ACAT1: variants seen among roughly 807,000 people sequenced by gnomAD.
ACAT1 encodes acetyl-CoA acetyltransferase, mitochondrial.
Under a neutral mutation model 47.3 loss-of-function variants are expected in ACAT1, and 28 were observed. That is an observed-to-expected ratio of 0.59 (90% CI 0.44 to 0.81). The LOEUF (loss-of-function observed/expected upper bound fraction) is 0.81. Among genes scored for constraint, ACAT1 ranks in the 30% least tolerant of loss-of-function variants. The probability of loss-of-function intolerance (pLI) is 0.00; values close to 1 mark genes in which losing one functional copy is unlikely to be tolerated. For synonymous variants in ACAT1, 181 were observed against 173.6 expected (o/e 1.04, Z -0.34); for missense variants, 469 against 524.3 (o/e 0.89, Z 1.03).
In ACAT1 at chr11:108,131,354, A is replaced by ATTTTTTTTTTTTTTTTTTTTTTTTTTTTT. The variant is rs397951009; in HGVS notation, c.73-535_73-534insTTTTTTTTTTTTTTTTTTTTTTTTTTTTT. On this transcript the variant is annotated intron_variant, in intron 1 of 11. Transcript: ENST00000265838. The stretch of plus-strand genomic sequence containing the variant: ...AAGCTATATTTAAGAAAGACTTGGA[A>ATTTTTTTTTTTTTTTTTTTTTTTTTTTTT]TTTTTTTTTTTTTTTTTTAGACAGT... Among the ~76,000 whole-genome samples, 224 of 62,624 alleles carry ATTTTTTTTTTTTTTTTTTTTTTTTTTTTT rather than the reference A, an allele frequency of 3.6e-3. 54 individuals carry two copies. Among genetic ancestry groups the ATTTTTTTTTTTTTTTTTTTTTTTTTTTTT allele is most frequent in the Middle Eastern group, 0.018 (1 of 56 alleles). 41.1% of individuals were successfully genotyped at this position (62,624 alleles called of 152,430 possible).
At position 108,147,310 on chromosome 11, in the gene ACAT1, T is replaced by G. The variant is rs2077738606; in HGVS notation, c.1204T>G (p.Leu402Val). The change falls in exon 12 of 12, where the codon TTG (leucine) becomes GTG (valine). Residue 402 changes from leucine (L) to valine (V), a missense_variant. By Grantham distance (32) the Leu-to-Val change is conservative. Transcript: ENST00000265838. The stretch of plus-strand genomic sequence containing the variant: ...GATTGTTGGTCATTTGACTCATGCC[T>G]TGAAGCAAGGAGAATACGGTCTTGC... Reference protein sequence around the residue: ...ARIVGHLTHALKQGEYGLASI... With the variant: ...ARIVGHLTHAVKQGEYGLASI... The G allele has an allele frequency of 6.2e-7, 1 of 1,613,956 alleles. No homozygotes were observed. The highest frequency in any genetic ancestry group is 8.5e-7 in the Non-Finnish European group (1 of 1,179,914).
intron 2 of ACAT1, among the ~76,000 whole-genome samples, chr11:108,132,774 A>G (rs931429200): frequency 2.1e-5 from 3 of 144,378 alleles, no homozygotes; most frequent in African/African-American, 7.7e-5. Context: ...GAATGGCGTG[A>G]ATCCGGGAGG....
At position 108,141,690 on chromosome 11, in the gene ACAT1, G is replaced by C; in HGVS notation, c.816G>C (p.Gln272His). The C allele has an allele frequency of 6.2e-7, 1 of 1,611,364 alleles. No homozygotes were observed. The highest frequency in any genetic ancestry group is 1.1e-5 in the South Asian group (1 of 91,020). ...TTCCAAAGCTGAAGACAGTTTTCCA[G>C]AAAGAAAATGGTTAGTGTTAAGAAA... ...SKVPKLKTVF[Q>H]KENGTVTAAN... The change falls in exon 8 of 12, where the codon CAG becomes CAC. Residue 272 changes from glutamine (Q) to histidine (H), a missense_variant. By Grantham distance (24) the Gln-to-His change is conservative (BLOSUM62 0). Transcript: ENST00000265838.
At position 108,131,904 on chromosome 11, in the gene ACAT1, C is replaced by T. The variant is rs772341273; in HGVS notation, c.73-3C>T. 4.6e-6 allele frequency: 6 copies of T among 1,307,664 alleles called. No homozygotes were observed. Among genetic ancestry groups the T allele is most frequent in the South Asian group, 4.2e-5 (3 of 71,758 alleles). The allele number at this position is 1,307,664 out of a possible 1,614,324, so 81.0% of individuals were successfully genotyped here. A position where few individuals can be genotyped will look rare whatever the true frequency, so the allele number is the denominator to read the frequency against. The stretch of plus-strand genomic sequence containing the variant: ...TATAACATTATAAATATTTATATTA[C>T]AGGAAATAAGATATGTGGAACGGAG... On this transcript the variant is annotated splice_region_variant and splice_polypyrimidine_tract_variant and intron_variant, in intron 1 of 11. Transcript: ENST00000265838.
At chr11:108,142,714 G>T (rs1321320015) in intron 9 of ACAT1, 164 bp downstream of exon 9, 4 of 625,642 alleles carry the variant, frequency 6.4e-6, no homozygotes, top group Non-Finnish European at 1.2e-5. Flanking sequence ...GCATGTGCCT[G>T]TACTACCATC....
At chr11:108,134,370 T>G in intron 4 of ACAT1, 54 bp downstream of exon 4, 1 of 1,437,046 alleles carries the variant, frequency 7.0e-7, no homozygotes, top group East Asian at 2.3e-5. Context: ...AGGGGCCGGG[T>G]GCGGTGGCTC....
chr11:108,137,640 GT>G (rs1392117602), intron 5 of ACAT1, among the ~76,000 whole-genome samples: 2 of 152,076 alleles, frequency 1.3e-5, no homozygotes, highest in Admixed American at 6.6e-5. Context: ...GAAATGAAGG[GT>G]TAGAAGTTAA....
intron 8 of ACAT1, 105 bp downstream of exon 8, chr11:108,141,805 G>C (rs1285523521): frequency 2.6e-6 from 2 of 763,012 alleles, no homozygotes; most frequent in Non-Finnish European, 4.5e-6. Context: ...ACATCTAGAT[G>C]TTATTTAACA....
rs141608119 is a variant in ACAT1 at position 108,145,875 on chromosome 11, G to C, written c.1006-327G>C. Among the ~76,000 whole-genome samples the C allele has an allele frequency of 2.0e-3, 304 of 152,180 alleles. 7 individuals are homozygous for C. In the East Asian group the frequency reaches 0.054, roughly 27 times the overall value. ...GCCTGGCCAAACATGGTGAAACCCTGTCTCTACTAAAAATACAAAAAATTA... is the reference window on the plus strand; with the variant it reads ...GCCTGGCCAAACATGGTGAAACCCTCTCTCTACTAAAAATACAAAAAATTA... On this transcript the variant is annotated intron_variant, in intron 10 of 11. Transcript: ENST00000265838.
chr11:108,131,954 GGTAA>G lies in ACAT1; in HGVS notation c.120+5_120+8del, dbSNP rs1402531500. ...GTTATGTATCAAAACCCACTTTGAA[GGTAA>G]GTAATTTAAATTGTGCTTTAAAATT... On this transcript the variant is annotated splice_donor_variant and splice_donor_region_variant and intron_variant, in intron 2 of 11. Transcript: ENST00000265838. LOFTEE classifies it high-confidence loss of function. The G allele has an allele frequency of 2.7e-6, 4 of 1,504,370 alleles. No homozygotes were observed. The highest frequency in any genetic ancestry group is 3.7e-6 in the Non-Finnish European group (4 of 1,086,204). 93.2% of individuals were successfully genotyped at this position (1,504,370 alleles called of 1,614,324 possible). A position where few individuals can be genotyped will look rare whatever the true frequency, so the allele number is the denominator to read the frequency against.
chr11:108,118,822 A>G (rs1207625190), upstream of ACAT1, among the ~76,000 whole-genome samples: 1 of 152,160 alleles, frequency 6.6e-6, no homozygotes, highest in East Asian at 1.9e-4. Flanking sequence ...TCTCCCCTCA[A>G]TGCTCCTAAA....
In ACAT1 at chr11:108,143,963, C is replaced by G; in HGVS notation, c.941-20C>G. On this transcript the variant is annotated intron_variant, in intron 9 of 11. Transcript: ENST00000265838. ...AAAAAAAAAGATTTTAACAACCCCC[C>G]CCCCCCTTTTTTTAAACAGCATTTG... The G allele has an allele frequency of 8.2e-7, 1 of 1,216,682 alleles. No individual in the cohort carries two copies. The highest frequency in any genetic ancestry group is 1.2e-6 in the Non-Finnish European group (1 of 859,224). The allele number at this position is 1,216,682 out of a possible 1,614,324, so 75.4% of individuals were successfully genotyped here.
rs745360607 is a variant in ACAT1 at position 108,138,884 on chromosome 11, G to A, written c.436-14G>A. The A allele has an allele frequency of 1.5e-5, 24 of 1,614,052 alleles. No homozygotes were observed. In the South Asian group the frequency reaches 2.6e-4, roughly 18 times the overall value. ...TTTGTATTAACATTGGGTTTTTCTG[G>A]TGTTTCTGCGCAGGATGTGATGGTG... On this transcript the variant is annotated splice_polypyrimidine_tract_variant and intron_variant, in intron 5 of 11. Coordinates refer to ENST00000265838, the MANE Select transcript of ACAT1 (RefSeq NM_000019.4).
intron 5 of ACAT1, 53 bp from the exon 6 acceptor site, chr11:108,138,845 G>A (rs1371083855): frequency 7.4e-6 from 12 of 1,610,740 alleles, no homozygotes; most frequent in Non-Finnish European, 1.0e-5. Context: ...AGGGTGTCAT[G>A]GGTTTGCAAA....
chr11:108,136,172 AT>A, intron 5 of ACAT1: 2 of 579,620 alleles, frequency 3.5e-6, no homozygotes, highest in South Asian at 2.2e-5. Flanking sequence ...TGAGCCCTTC[AT>A]TTTTCAGATG....
chr11:108,143,704 C>G (rs1471763511), intron 9 of ACAT1: 5 of 309,856 alleles, frequency 1.6e-5, no homozygotes, highest in Non-Finnish European at 2.4e-5. Context: ...AGTCTTTACC[C>G]AGTGGCATCT....
intron 10 of ACAT1, among the ~76,000 whole-genome samples, chr11:108,145,462 G>T (rs767573647): frequency 6.6e-6 from 1 of 152,042 alleles, no homozygotes; most frequent in Non-Finnish European, 1.5e-5. Context: ...GAGCCTGGGA[G>T]GTCAAGGCTG....
intron 8 of ACAT1, 80 bp downstream of exon 8, chr11:108,141,780 GA>G: frequency 1.7e-6 from 1 of 593,318 alleles, no homozygotes; most frequent in Non-Finnish European, 2.7e-6. Flanking sequence ...TAAGGATTTT[GA>G]AAAATTCTAG....
chr11:108,144,193 G>A (rs2077652444), intron 10 of ACAT1, 146 bp downstream of exon 10: 10 of 822,188 alleles, frequency 1.2e-5, no homozygotes, highest in South Asian at 3.1e-5. Context: ...CTCCTGAAAA[G>A]AGTAAGAGCA....
Sources: gnomAD v4.1 joint callset for allele counts (sites outside exome capture counted in the v4.1 genomes callset) on GRCh38, gnomAD v4.1.1 for gene constraint, MANE v1.5 for transcripts, NCBI Gene and HGNC (gene_info 2026-07-23, HGNC 2026-07-21) for gene names.